Variants in EBF1 observed in about 807,000 individuals in gnomAD.
EBF1 encodes EBF transcription factor 1, also known as transcription factor COE1.
In EBF1, 10 loss-of-function variants were observed where a neutral mutation model predicts 68.4. That is an observed-to-expected ratio of 0.15 (90% confidence interval 0.09 to 0.25). The LOEUF (loss-of-function observed/expected upper bound fraction) is 0.25. EBF1 is among the 10% of genes least tolerant of loss of function. The pLI is 1.00. For synonymous variants in EBF1, 298 were observed against 299.8 expected (o/e 0.99, Z 0.06); for missense variants, 509 against 794.4 (o/e 0.64, Z 4.32).
intron 14 of EBF1, among the ~76,000 whole-genome samples, chr5:158,709,256 T>G (rs915538559): frequency 3.4e-4 from 52 of 152,260 alleles, no homozygotes; most frequent in African/African-American, 1.2e-3. Context: ...GTTTTATCAT[T>G]CACAAGAATC....
At position 159,093,781 on chromosome 5, in the gene EBF1, G is replaced by A. The variant is rs190956828; in HGVS notation, c.411+1839C>T. ...TTTGAGGAGGTTTAATTCATAGAGCGATTAATCACTTCAAACATGTCTTAA... is the reference window on the plus strand; with the variant it reads ...TTTGAGGAGGTTTAATTCATAGAGCAATTAATCACTTCAAACATGTCTTAA... On this transcript the variant is annotated intron_variant, in intron 4 of 15. Coordinates refer to ENST00000313708, the MANE Select transcript of EBF1 (RefSeq NM_024007.5). Among the ~76,000 whole-genome samples, 180 of 152,106 alleles carry A rather than the reference G, an allele frequency of 1.2e-3. 1 individual carries two copies. The highest frequency in any genetic ancestry group is 4.0e-3 in the African/African-American group (167 of 41,508).
At chr5:158,810,322 C>T (rs1275259006) in intron 8 of EBF1, among the ~76,000 whole-genome samples, 1 of 152,132 alleles carries the variant, frequency 6.6e-6, no homozygotes, top group Non-Finnish European at 1.5e-5. Context: ...GCTTCTCCAG[C>T]TATGTTCAAA....
intron 9 of EBF1, among the ~76,000 whole-genome samples, chr5:158,788,557 G>T (rs10061416): frequency 3.3e-5 from 5 of 152,324 alleles, no homozygotes; most frequent in Admixed American, 1.3e-4. Context: ...AGCCAGTAAA[G>T]GTTGTATAAG....
chr5:158,816,534 A>T (rs1040373191), intron 8 of EBF1, among the ~76,000 whole-genome samples: 4 of 152,208 alleles, frequency 2.6e-5, no homozygotes, highest in African/African-American at 9.6e-5. Flanking sequence ...ACTCAGTGTG[A>T]GCTGTGGCTC....
rs377709012 is a variant in EBF1, at chr5:159,076,302, G to A, written c.486-2838C>T. 1.4e-4 allele frequency among the ~76,000 whole-genome samples: 22 copies of A among 152,152 alleles called. No homozygotes were observed. The East Asian group carries it at 3.3e-3, about 23-fold the overall frequency. On this transcript the variant is annotated intron_variant, in intron 5 of 15. Transcript: ENST00000313708. ...ATGTATTGGGGGGCAAATACAATCCGGAAGAATAAAAGGGTGACAGATAAA... is the reference window on the plus strand; with the variant it reads ...ATGTATTGGGGGGCAAATACAATCCAGAAGAATAAAAGGGTGACAGATAAA...
intron 11 of EBF1, among the ~76,000 whole-genome samples, chr5:158,717,769 C>T (rs1234740930): frequency 2.0e-5 from 3 of 152,114 alleles, no homozygotes; most frequent in African/African-American, 7.2e-5. Context: ...TTTTTCTGCT[C>T]ATGGCCTTGG....
chr5:159,075,026 C>A (rs1463436397), intron 5 of EBF1, among the ~76,000 whole-genome samples: 2 of 152,190 alleles, frequency 1.3e-5, no homozygotes, highest in Non-Finnish European at 2.9e-5. Context: ...ATCCCCTATA[C>A]CTACATTTCA....
At chr5:159,067,876 C>T (rs1321551627) in intron 6 of EBF1, among the ~76,000 whole-genome samples, 2 of 152,124 alleles carry the variant, frequency 1.3e-5, no homozygotes, top group Non-Finnish European at 2.9e-5. Context: ...CTCAAACCAA[C>T]CAAAAACACA....
chr5:158,729,506 T>C (rs1763641375), intron 11 of EBF1, among the ~76,000 whole-genome samples: 1 of 152,192 alleles, frequency 6.6e-6, no homozygotes, highest in Admixed American at 6.5e-5. Flanking sequence ...AAATTACCAG[T>C]TGTCCCATAG....
intron 6 of EBF1, among the ~76,000 whole-genome samples, chr5:158,939,891 ATG>A (rs780283614): frequency 6.6e-6 from 1 of 152,154 alleles, no homozygotes; most frequent in Non-Finnish European, 1.5e-5. Context: ...AACAAACACC[ATG>A]GATTATGAAG....
Position 158,911,839 on chromosome 5 carries a change from G to A in EBF1, c.555-71729C>T, listed in dbSNP as rs1806047844. 1.3e-5 allele frequency among the ~76,000 whole-genome samples: 2 copies of A among 152,222 alleles called. 1 individual carries two copies. The highest frequency in any genetic ancestry group is 1.3e-4 in the Admixed American group (2 of 15,288). On this transcript the variant is annotated intron_variant, in intron 6 of 15. Transcript: ENST00000313708. ...TAACTATTAAGTCACACTAACATTA[G>A]ATTAGATGATGCTGTCATCCCATTG... is the stretch of plus-strand genomic sequence containing the variant.
intron 6 of EBF1, among the ~76,000 whole-genome samples, chr5:159,007,126 A>G (rs1763723435): frequency 6.6e-6 from 1 of 152,180 alleles, no homozygotes; most frequent in Admixed American, 6.5e-5. Context: ...GTTTCCTAAC[A>G]ATCCCAGAAC....
At chr5:158,724,413 C>T (rs990573563) in intron 11 of EBF1, among the ~76,000 whole-genome samples, 2 of 152,148 alleles carry the variant, frequency 1.3e-5, no homozygotes, top group African/African-American at 4.8e-5. Context: ...TTTGCTGAAA[C>T]CCTTAGTCAT....
At chr5:158,804,400 A>T (rs1224858804) in intron 8 of EBF1, among the ~76,000 whole-genome samples, 2 of 152,104 alleles carry the variant, frequency 1.3e-5, no homozygotes, top group African/African-American at 2.4e-5. Context: ...ATTTTTCAAC[A>T]ATCAATGGAC....
Position 158,865,326 on chromosome 5 carries a change from A to G in EBF1, c.555-25216T>C, listed in dbSNP as rs73300046. On this transcript the variant is annotated intron_variant, in intron 6 of 15. Transcript: ENST00000313708. ...CATGAACTTGGTTTAAAAAGGTTCC[A>G]GTCTGGGCCCTACCACTTATCAGTT... is the stretch of plus-strand genomic sequence containing the variant. Among the ~76,000 whole-genome samples, 211 of 152,322 alleles carry G rather than the reference A, an allele frequency of 1.4e-3. 1 individual carries two copies. The highest frequency in any genetic ancestry group is 4.9e-3 in the African/African-American group (202 of 41,562).
chr5:158,763,313 A>T (rs1771925651), intron 10 of EBF1, among the ~76,000 whole-genome samples: 1 of 152,184 alleles, frequency 6.6e-6, no homozygotes, highest in Non-Finnish European at 1.5e-5. Context: ...GGACCCAGGG[A>T]ATATGATCCA....
chr5:158,703,323 C>A (rs1043325436), intron 15 of EBF1, among the ~76,000 whole-genome samples: 13 of 152,162 alleles, frequency 8.5e-5, no homozygotes, highest in African/African-American at 3.1e-4. Flanking sequence ...CTGCATTTTT[C>A]TCTTTAAATC....
chr5:159,073,724 G>A (rs1778244932), intron 5 of EBF1: 1 of 494,124 alleles, frequency 2.0e-6, no homozygotes, highest in Admixed American at 3.4e-5. Flanking sequence ...CCCAAGATGG[G>A]GTCTCCCCAT....
chr5:159,097,848 G>C (rs1233651800), intron 1 of EBF1, among the ~76,000 whole-genome samples: 2 of 152,218 alleles, frequency 1.3e-5, no homozygotes, highest in African/African-American at 2.4e-5. Flanking sequence ...GGCTCAGTGC[G>C]CCGGCCGGCG....
Sources: gnomAD v4.1 joint callset for allele counts (sites outside exome capture counted in the v4.1 genomes callset) on GRCh38, gnomAD v4.1.1 for gene constraint, MANE v1.5 for transcripts, NCBI Gene and HGNC (gene_info 2026-07-23, HGNC 2026-07-21) for gene names.